The following BBS2 variants were observed in gnomAD, a reference collection of about 807,000 sequenced individuals.
The protein encoded by BBS2 is BBSome complex member BBS2.
In BBS2, 62 loss-of-function variants were observed where a neutral mutation model predicts 83.0. The observed-to-expected ratio is 0.75, with a 90% CI of 0.61 to 0.92. BBS2 has a LOEUF of 0.92. Among genes scored for constraint, BBS2 ranks in the 40% least tolerant of loss-of-function variants. BBS2 has a pLI of 0.00. For synonymous variants in BBS2, 303 were observed against 326.1 expected, an observed-to-expected ratio of 0.93 and a Z score of 0.76; for missense variants, 784 against 901.0, an observed-to-expected ratio of 0.87 and a Z score of 1.66.
intron 17 of BBS2, chr16:56,475,393 C>T (rs922417875): frequency 9.7e-6 from 9 of 931,880 alleles, no homozygotes; most frequent in Admixed American, 3.6e-5. Context: ...GAACCAGTTA[C>T]TGCTGAACTC....
downstream of BBS2, among the ~76,000 whole-genome samples, chr16:56,480,415 A>T (rs1223348215): frequency 3.4e-5 from 5 of 145,474 alleles, no homozygotes; most frequent in East Asian, 8.1e-4. Context: ...AGTATTTTTT[A>T]TTTTTTATTT....
chr16:56,511,295 T>C lies in BBS2; in HGVS notation c.346-11A>G. On this transcript the variant is annotated splice_polypyrimidine_tract_variant and intron_variant, in intron 2 of 16. Coordinates refer to ENST00000245157, the MANE Select transcript of BBS2 (RefSeq NM_031885.5). ...TGCCCCATCTGCTACCTAAGAAAAG[T>C]AAAAGGACACATTATCTTAGACACG... 6.2e-7 allele frequency: 1 copy of C among 1,613,720 alleles called. No individual in the cohort carries two copies.
chr16:56,519,632 C>T, intron 1 of BBS2, 114 bp downstream of exon 1: 1 of 827,060 alleles, frequency 1.2e-6, no homozygotes, highest in Non-Finnish European at 2.0e-6. Flanking sequence ...GACCGGTTGC[C>T]GGGCAACACG....
intron 2 of BBS2, among the ~76,000 whole-genome samples, chr16:56,512,599 TAAGTGA>T (rs1233218561): frequency 6.6e-6 from 1 of 152,222 alleles, no homozygotes; most frequent in Non-Finnish European, 1.5e-5. Flanking sequence ...AGTATTATGT[TAAGTGA>T]AAGAAGCCAG....
intron 7 of BBS2, among the ~76,000 whole-genome samples, chr16:56,503,124 G>A (rs1214322318): frequency 6.6e-6 from 1 of 152,186 alleles, no homozygotes; most frequent in Non-Finnish European, 1.5e-5. Flanking sequence ...AAAAGGGCAT[G>A]GGCTTAATGG....
At position 56,498,005 on chromosome 16, in the gene BBS2, A is replaced by G. The variant is rs1284948535; in HGVS notation, c.1660-125T>C. On this transcript the variant is annotated intron_variant, in intron 13 of 16. Coordinates refer to ENST00000245157, the MANE Select transcript of BBS2 (RefSeq NM_031885.5). ...GCATATATATATATATGCAGTGTTGAAAAAGGAAAGTTTAGCTCTCAAAGA... is the reference window on the plus strand; with the variant it reads ...GCATATATATATATATGCAGTGTTGGAAAAGGAAAGTTTAGCTCTCAAAGA... 3.8e-6 allele frequency: 4 copies of G among 1,043,602 alleles called. No homozygotes were observed. The African/African-American group carries it at 6.5e-5, about 17-fold the overall frequency. 64.6% of individuals were successfully genotyped at this position (1,043,602 alleles called of 1,614,324 possible).
intron 15 of BBS2, among the ~76,000 whole-genome samples, chr16:56,495,755 C>T (rs192666025): frequency 1.2e-3 from 166 of 138,524 alleles, no homozygotes; most frequent in Non-Finnish European, 1.6e-3. Context: ...TTTATACAGA[C>T]GTGTGTATAT....
intron 17 of BBS2, chr16:56,476,042 AGCT>A (rs1395056473): frequency 6.2e-7 from 1 of 1,606,066 alleles, no homozygotes; most frequent in African/African-American, 1.3e-5. Flanking sequence ...TGTCTTTTTC[AGCT>A]GCTAACAGTG....
At position 56,499,850 on chromosome 16, in the gene BBS2, C is replaced by T. The variant is rs749317806; in HGVS notation, c.1455G>A (p.Ala485=). ...TRQLPRFSMY[A]LTSLDPASEP... ...CACTGGCAGGGTCCAGGCTGGTCAG[C>T]GCATACATGGAGAATCGAGGGAGCT... Residue 485 remains alanine, a synonymous_variant, in exon 12 of 17, where the codon GCG becomes GCA. Transcript: ENST00000245157. The T allele has an allele frequency of 1.2e-6, 2 of 1,614,104 alleles. No homozygotes were observed. Among genetic ancestry groups the T allele is most frequent in the South Asian group, 2.2e-5 (2 of 91,082 alleles).
rs757737589 is a variant in BBS2, at chr16:56,485,715, A to G, written c.1934T>C (p.Met645Thr). 1.7e-5 allele frequency: 27 copies of G among 1,613,792 alleles called. No homozygotes were observed. In the East Asian group the frequency reaches 6.0e-4, roughly 36 times the overall value. The change falls in exon 16 of 17, where the codon ATG (methionine) becomes ACG (threonine). Residue 645 changes from methionine to threonine, a missense_variant. Transcript: ENST00000245157. ...RDMKTMKSRY[M>T]ELYDLNRDLL... ...GTCTCTATTAAGGTCATAGAGTTCC[A>G]TATAACGACTCTTCATTGTTTTCCT...
At position 56,497,777 on chromosome 16, in the gene BBS2, A is replaced by C; in HGVS notation, c.1763T>G (p.Val588Gly). The C allele has an allele frequency of 1.2e-6, 2 of 1,613,544 alleles. No homozygotes were observed. Among genetic ancestry groups the C allele is most frequent in the Non-Finnish European group, 1.7e-6 (2 of 1,179,894 alleles). ...CACCTTTCGTAATTCCTCAAAATAG[A>C]CAGGAAAATCCGCTTCTACTTGAAG... The part of the protein sequence containing the change: ...EDLQVEADFP[V>G]YFEELRKVLV... Residue 588 changes from valine (V) to glycine (G), a missense_variant, in exon 14 of 17, where the codon GTC becomes GGC. By Grantham distance (109) the Val-to-Gly change is moderately radical. Transcript: ENST00000245157.
At position 56,497,065 on chromosome 16, in the gene BBS2, A is replaced by G; in HGVS notation, c.1812T>C (p.His604=). ...RKVLVKVDEY[H]SVHQKLSADM... ...CAGCACTGAGCTTCTGATGCACTGAATGATATTCATCCACCTGGAGACCAT... is the reference window on the plus strand; with the variant it reads ...CAGCACTGAGCTTCTGATGCACTGAGTGATATTCATCCACCTGGAGACCAT... Residue 604 remains histidine (H), a synonymous_variant, in exon 15 of 17, where the codon CAT becomes CAC. Coordinates refer to ENST00000245157, the MANE Select transcript of BBS2 (RefSeq NM_031885.5). The G allele has an allele frequency of 1.9e-6, 3 of 1,612,188 alleles. No homozygotes were observed. Among genetic ancestry groups the G allele is most frequent in the Non-Finnish European group, 2.5e-6 (3 of 1,178,190 alleles).
chr16:56,519,412 C>T, intron 1 of BBS2: 1 of 258,074 alleles, frequency 3.9e-6, no homozygotes, highest in Non-Finnish European at 7.5e-6. Context: ...AGCAGAGGCC[C>T]CTGGCTTGAA....
At chr16:56,474,425 A>G (rs1963358477) in intron 17 of BBS2, among the ~76,000 whole-genome samples, 1 of 151,176 alleles carries the variant, frequency 6.6e-6, no homozygotes, top group African/African-American at 2.4e-5. Flanking sequence ...GGCTCAAGCA[A>G]CTCTCCTGCC....
intron 17 of BBS2, chr16:56,477,832 TCTTTC>T (rs1453362170): frequency 6.6e-6 from 1 of 152,236 alleles, no homozygotes; most frequent in East Asian, 1.9e-4. Context: ...ACTACTCTTC[TCTTTC>T]ATCTCCTAAA....
At chr16:56,513,089 C>T (rs772807664) in intron 2 of BBS2, among the ~76,000 whole-genome samples, 1 of 152,098 alleles carries the variant, frequency 6.6e-6, no homozygotes, top group African/African-American at 2.4e-5. Flanking sequence ...GAGGTCAAGG[C>T]TGCAGTAAGC....
intron 15 of BBS2, among the ~76,000 whole-genome samples, chr16:56,486,599 A>T (rs1010445697): frequency 1.3e-5 from 2 of 152,218 alleles, no homozygotes; most frequent in Non-Finnish European, 2.9e-5. Flanking sequence ...ACTCAAAAGG[A>T]TATATAGATA....
Position 56,506,178 on chromosome 16 carries a change from G to C in BBS2, c.659C>G (p.Ala220Gly). Reference sequence around the variant, plus strand: ...AACTCCAACTGTGCCATTGGAAAGGGCATAACCAAATCGACTGCCATACAT... The same window carrying C: ...AACTCCAACTGTGCCATTGGAAAGGCCATAACCAAATCGACTGCCATACAT... ...CPMYGSRFGY[A>G]LSNGTVGVYD... The change falls in exon 6 of 17, where the codon GCC becomes GGC. Residue 220 changes from alanine to glycine, a missense_variant. By Grantham distance (60) the Ala-to-Gly change is moderately conservative (BLOSUM62 0). Transcript: ENST00000245157. 2 of 1,613,976 alleles carry C rather than the reference G, an allele frequency of 1.2e-6. No homozygotes were observed. The highest frequency in any genetic ancestry group is 1.7e-6 in the Non-Finnish European group (2 of 1,179,940).
chr16:56,502,260 C>T (rs1404871648), intron 9 of BBS2, 57 bp downstream of exon 9: 29 of 1,610,778 alleles, frequency 1.8e-5, no homozygotes, highest in East Asian at 2.2e-5. Flanking sequence ...CTGATCCTCC[C>T]GGTCAGTCTC....
Sources: gnomAD v4.1 joint callset for allele counts (sites outside exome capture counted in the v4.1 genomes callset) on GRCh38, gnomAD v4.1.1 for gene constraint, MANE v1.5 for transcripts, NCBI Gene and HGNC (gene_info 2026-07-23, HGNC 2026-07-21) for gene names.